The following EGFLAM variants were observed in gnomAD, a reference collection of about 807,000 sequenced individuals.
EGFLAM encodes EGF like, fibronectin type III and laminin G domains.
Under a neutral mutation model 113.1 loss-of-function variants are expected in EGFLAM, and 79 were observed. The ratio of observed to expected loss-of-function variants is 0.70; its 90% CI spans 0.58 to 0.84. EGFLAM has a LOEUF of 0.84. EGFLAM is among the 40% of genes least tolerant of loss of function. The pLI, the probability that EGFLAM is intolerant of heterozygous loss-of-function variation, is 0.00. For missense variants in EGFLAM, 1,265 were observed against 1,291.6 expected (o/e 0.98, Z 0.32); for synonymous variants, 504 against 487.6 (o/e 1.03, Z -0.44).
Position 38,427,217 on chromosome 5 carries a change from C to A in EGFLAM, c.2019C>A (p.Phe673Leu). 6.2e-7 allele frequency: 1 copy of A among 1,614,132 alleles called. No individual in the cohort carries two copies. The highest frequency in any genetic ancestry group is 8.5e-7 in the Non-Finnish European group (1 of 1,180,014). Residue 673 changes from phenylalanine (F) to leucine (L), a missense_variant, in exon 14 of 22, where the codon TTC becomes TTA. By Grantham distance (22) the Phe-to-Leu change is conservative. Transcript: ENST00000322350. ...SINLAGGHVE[F>L]RFDCGSGTGV... ...ACTTGGCAGGGGGCCACGTGGAGTT[C>A]CGCTTTGACTGTGGCTCTGGGACCG...
In EGFLAM at chr5:38,374,465, T is replaced by C. The variant is rs549736979; in HGVS notation, c.712+4003T>C. On this transcript the variant is annotated intron_variant, in intron 6 of 21. Transcript: ENST00000322350. ...GAAGTGAGGTTTTCTTGCTGTCTTC[T>C]GTTCCTGGATGGGATCACAGAACTG... Among the ~76,000 whole-genome samples, 8 of 152,208 alleles carry C rather than the reference T, an allele frequency of 5.3e-5. No homozygotes were observed. In the East Asian group the frequency reaches 1.5e-3, roughly 29 times the overall value.
rs774388865 is a variant in EGFLAM, at chr5:38,407,170, A to AC, written c.1147+24_1147+25insC. On this transcript the variant is annotated intron_variant, in intron 8 of 21. Coordinates refer to ENST00000322350, the MANE Select transcript of EGFLAM (RefSeq NM_152403.4). ...AGGTAGGCCCTTGGGGGAGAGGAAG[A>AC]AGTGGTGATGAATTGGCACCATTGA... is the stretch of plus-strand genomic sequence containing the variant. 44 of 1,574,462 alleles carry AC rather than the reference A, an allele frequency of 2.8e-5. No homozygotes were observed. The African/African-American group carries it at 7.3e-4, about 26-fold the overall frequency.
At chr5:38,357,709 T>G (rs1254464520) in intron 5 of EGFLAM, among the ~76,000 whole-genome samples, 6 of 152,210 alleles carry the variant, frequency 3.9e-5, no homozygotes, top group Middle Eastern at 3.2e-3. Context: ...GATATCTTAA[T>G]GTGAAGTTCT....
chr5:38,358,126 C>T (rs944202425), intron 5 of EGFLAM, among the ~76,000 whole-genome samples: 1 of 151,714 alleles, frequency 6.6e-6, no homozygotes, highest in African/African-American at 2.4e-5. Context: ...CCAGCTCAGG[C>T]AACAAAGTGA....
intron 11 of EGFLAM, among the ~76,000 whole-genome samples, chr5:38,413,540 C>T (rs1450840756): frequency 6.6e-6 from 1 of 151,972 alleles, no homozygotes; most frequent in Non-Finnish European, 1.5e-5. Context: ...CTAGTATTCA[C>T]ATATTTGTTA....
chr5:38,385,533 T>C (rs990710048), intron 6 of EGFLAM, among the ~76,000 whole-genome samples: 25 of 152,130 alleles, frequency 1.6e-4, no homozygotes, highest in African/African-American at 6.0e-4. Flanking sequence ...TAACCATCCA[T>C]ATTTTTTTCC....
chr5:38,269,489 TTTC>T (rs1199820799), intron 1 of EGFLAM, among the ~76,000 whole-genome samples: 5 of 136,526 alleles, frequency 3.7e-5, no homozygotes, highest in Admixed American at 7.4e-5. Flanking sequence ...CCACTTTTCT[TTTC>T]TTTTTTTTTT....
At chr5:38,426,223 G>C (rs1013198040) in intron 13 of EGFLAM, among the ~76,000 whole-genome samples, 56 of 152,148 alleles carry the variant, frequency 3.7e-4, no homozygotes, top group African/African-American at 1.3e-3. Context: ...TGTATATACA[G>C]AGAGTATGTA....
chr5:38,296,597 C>T (rs1758457437), intron 1 of EGFLAM, among the ~76,000 whole-genome samples: 1 of 152,120 alleles, frequency 6.6e-6, no homozygotes, highest in Non-Finnish European at 1.5e-5. Context: ...TGGATGACAA[C>T]ATTAGTGGGC....
At chr5:38,287,240 T>C (rs950541686) in intron 1 of EGFLAM, among the ~76,000 whole-genome samples, 4 of 152,242 alleles carry the variant, frequency 2.6e-5, no homozygotes, top group African/African-American at 9.6e-5. Context: ...TTTTCTTTCA[T>C]GTGTAAAATG....
At chr5:38,450,852 T>C (rs1742890120) in intron 18 of EGFLAM, among the ~76,000 whole-genome samples, 1 of 152,210 alleles carries the variant, frequency 6.6e-6, no homozygotes, top group Non-Finnish European at 1.5e-5. Context: ...GCTTGGGTAT[T>C]TTCCCTGTCT....
At chr5:38,372,829 C>T (rs1487155936) in intron 6 of EGFLAM, among the ~76,000 whole-genome samples, 2 of 152,136 alleles carry the variant, frequency 1.3e-5, no homozygotes, top group Non-Finnish European at 2.9e-5. Context: ...GTATTTCAAT[C>T]GTGGTTTTTC....
chr5:38,451,524 A>G (rs908338259), intron 19 of EGFLAM, 66 bp downstream of exon 19: 7 of 1,564,342 alleles, frequency 4.5e-6, no homozygotes, highest in Middle Eastern at 1.8e-4. Flanking sequence ...AGATCATGCC[A>G]GAGTGATTCA....
At chr5:38,462,322 T>A (rs1579967143) in intron 20 of EGFLAM, among the ~76,000 whole-genome samples, 1 of 152,164 alleles carries the variant, frequency 6.6e-6, no homozygotes, top group African/African-American at 2.4e-5. Context: ...TCTCCTCCCC[T>A]GGGCTTCACC....
At chr5:38,275,864 G>A (rs1292161714) in intron 1 of EGFLAM, among the ~76,000 whole-genome samples, 1 of 152,188 alleles carries the variant, frequency 6.6e-6, no homozygotes, top group Non-Finnish European at 1.5e-5. Flanking sequence ...ATTATGTTAA[G>A]TATCTTTTCA....
At position 38,463,014 on chromosome 5, in the gene EGFLAM, A is replaced by G; in HGVS notation, c.2875+3A>G. On this transcript the variant is annotated splice_donor_region_variant and intron_variant, in intron 21 of 21. Transcript: ENST00000322350. ...CATCAATGGAGCTCTGTATGTGGGT[A>G]AGTGACCGACCCTCGACCAAAGCAA... The G allele has an allele frequency of 6.2e-7, 1 of 1,612,180 alleles. No individual in the cohort carries two copies. The highest frequency in any genetic ancestry group is 1.1e-5 in the South Asian group (1 of 90,738).
intron 19 of EGFLAM, among the ~76,000 whole-genome samples, chr5:38,452,994 C>T (rs1189398837): frequency 6.6e-6 from 1 of 152,208 alleles, no homozygotes; most frequent in Admixed American, 6.5e-5. Flanking sequence ...TGTCATGGCA[C>T]ATCCTCACAT....
chr5:38,363,461 A>G (rs1433181539), intron 5 of EGFLAM, among the ~76,000 whole-genome samples: 1 of 152,212 alleles, frequency 6.6e-6, no homozygotes, highest in Non-Finnish European at 1.5e-5. Flanking sequence ...AAATGAATGT[A>G]GACAACAAAT....
chr5:38,411,295 G>C (rs574061501), intron 10 of EGFLAM, among the ~76,000 whole-genome samples: 25 of 152,022 alleles, frequency 1.6e-4, no homozygotes, highest in African/African-American at 6.0e-4. Flanking sequence ...GGGTGTGGTG[G>C]CATGCGCCTG....
Sources: allele counts gnomAD v4.1 joint callset (sites outside exome capture counted in the v4.1 genomes callset), GRCh38; gene constraint gnomAD v4.1.1; transcripts MANE v1.5; gene names NCBI Gene and HGNC (gene_info 2026-07-23, HGNC 2026-07-21).